Variants in CHODL observed in about 807,000 individuals in gnomAD.
CHODL encodes the protein chondrolectin.
In CHODL, 29 loss-of-function variants were observed where a neutral mutation model predicts 34.5. The observed-to-expected ratio is 0.84, with a 90% confidence interval of 0.63 to 1.15. CHODL has a LOEUF of 1.15. Ranked by LOEUF, CHODL falls within the 50% of genes most tolerant of loss-of-function variation. CHODL has a pLI of 0.00. For synonymous variants in CHODL, 125 were observed against 116.1 expected, an observed-to-expected ratio of 1.08 and a Z score of -0.49; for missense variants, 332 against 332.5, an observed-to-expected ratio of 1.00 and a Z score of 0.01.
At chr21:18,087,275 G>A (rs1356173232) in intron 2 of CHODL, among the ~76,000 whole-genome samples, 1 of 152,114 alleles carries the variant, frequency 6.6e-6, no homozygotes, top group Admixed American at 6.5e-5. Flanking sequence ...CCATAGCAGG[G>A]AAATGGATAT....
At chr21:17,949,450 A>G (rs1019437428) in intron 1 of CHODL, among the ~76,000 whole-genome samples, 4 of 152,204 alleles carry the variant, frequency 2.6e-5, no homozygotes, top group African/African-American at 7.2e-5. Context: ...TCACTCAGAA[A>G]TTGTTAAAGA....
At chr21:18,149,013 A>C (rs8130425) in intron 2 of CHODL, among the ~76,000 whole-genome samples, 2,952 of 152,004 alleles carry the variant, frequency 0.019, 98 homozygotes, top group African/African-American at 0.068. Context: ...CCTGCTTTCT[A>C]ATTAGAGAAC....
chr21:18,138,856 C>T (rs764016524), intron 2 of CHODL, among the ~76,000 whole-genome samples: 1 of 152,092 alleles, frequency 6.6e-6, no homozygotes, highest in Non-Finnish European at 1.5e-5. Flanking sequence ...GAAATGCTCT[C>T]AGCCAAGACT....
chr21:18,190,843 A>T (rs2073502496), intron 2 of CHODL, among the ~76,000 whole-genome samples: 1 of 152,206 alleles, frequency 6.6e-6, no homozygotes, highest in Admixed American at 6.5e-5. Flanking sequence ...GATTTGTAAT[A>T]TGATGGTGAA....
At chr21:18,062,315 C>A (rs1458328427) in intron 2 of CHODL, among the ~76,000 whole-genome samples, 1 of 152,130 alleles carries the variant, frequency 6.6e-6, no homozygotes, top group African/African-American at 2.4e-5. Context: ...TGAAGTGATT[C>A]TCCATGCCTC....
intron 2 of CHODL, among the ~76,000 whole-genome samples, chr21:18,231,643 T>C (rs934404717): frequency 3.3e-5 from 5 of 152,136 alleles, no homozygotes; most frequent in African/African-American, 1.2e-4. Flanking sequence ...TCATCCACGC[T>C]GTATCACTTC....
chr21:18,179,485 G>A (rs1458463786), intron 2 of CHODL, among the ~76,000 whole-genome samples: 1 of 152,114 alleles, frequency 6.6e-6, no homozygotes, highest in African/African-American at 2.4e-5. Context: ...CTCTCAATTG[G>A]TAGAAACTTT....
intron 2 of CHODL, among the ~76,000 whole-genome samples, chr21:18,199,808 T>G (rs1274532768): frequency 6.6e-6 from 1 of 152,194 alleles, no homozygotes; most frequent in Non-Finnish European, 1.5e-5. Context: ...TACTGAATAA[T>G]ATTCCATCCT....
At chr21:18,003,073 G>C (rs1036677766) in intron 1 of CHODL, among the ~76,000 whole-genome samples, 1 of 149,708 alleles carries the variant, frequency 6.7e-6, no homozygotes, top group African/African-American at 2.5e-5. Context: ...GCAGTGAGCC[G>C]AGATCGCGCC....
intron 1 of CHODL, among the ~76,000 whole-genome samples, chr21:17,928,446 A>C (rs944181014): frequency 6.6e-6 from 1 of 152,200 alleles, no homozygotes; most frequent in African/African-American, 2.4e-5. Flanking sequence ...GGTGACTCCT[A>C]AAGTACAGGT....
At chr21:18,239,316 G>A (rs1035879349) in intron 2 of CHODL, among the ~76,000 whole-genome samples, 5 of 152,038 alleles carry the variant, frequency 3.3e-5, no homozygotes, top group African/African-American at 1.2e-4. Flanking sequence ...TTGCTGTCCT[G>A]CATTATACAC....
intron 2 of CHODL, among the ~76,000 whole-genome samples, chr21:18,185,953 C>T (rs576164086): frequency 6.6e-6 from 1 of 152,060 alleles, no homozygotes; most frequent in African/African-American, 2.4e-5. Context: ...CTTCTAATAC[C>T]ATCGCCTTAG....
chr21:17,918,514 A>C (rs180672074), intron 1 of CHODL, among the ~76,000 whole-genome samples: 2 of 151,836 alleles, frequency 1.3e-5, no homozygotes, highest in Non-Finnish European at 2.9e-5. Context: ...ATTTTTAAAA[A>C]CATCAAATGT....
intron 3 of CHODL, among the ~76,000 whole-genome samples, chr21:18,259,901 G>A (rs954601619): frequency 2.6e-5 from 4 of 152,092 alleles, no homozygotes; most frequent in Non-Finnish European, 5.9e-5. Context: ...TGACTGGTCC[G>A]CCATTATTGC....
At chr21:18,137,933 C>T (rs990076692) in intron 2 of CHODL, among the ~76,000 whole-genome samples, 5 of 152,036 alleles carry the variant, frequency 3.3e-5, no homozygotes, top group Admixed American at 3.3e-4. Flanking sequence ...AATAAGAACA[C>T]TTTCTTGCTG....
chr21:18,115,250 C>T (rs1331110562), intron 2 of CHODL, among the ~76,000 whole-genome samples: 4 of 152,164 alleles, frequency 2.6e-5, no homozygotes, highest in African/African-American at 4.8e-5. Context: ...TCAGCTTCTT[C>T]CTGAGGACTT....
At chr21:18,129,071 A>G (rs947664836) in intron 2 of CHODL, among the ~76,000 whole-genome samples, 1 of 151,700 alleles carries the variant, frequency 6.6e-6, no homozygotes, top group African/African-American at 2.4e-5. Context: ...TTAAAAACCT[A>G]TTTTATATTT....
intron 2 of CHODL, among the ~76,000 whole-genome samples, chr21:18,169,444 T>TA (rs1454431400): frequency 6.6e-6 from 1 of 151,800 alleles, no homozygotes; most frequent in Admixed American, 6.6e-5. Context: ...CTTTTTTTTT[T>TA]ATCTTGATCT....
In CHODL at chr21:17,922,440, C is replaced by CA. The variant is rs1047504300; in HGVS notation, c.-145+5042dup. Among the ~76,000 whole-genome samples the CA allele has an allele frequency of 5.3e-5, 8 of 152,144 alleles. No homozygotes were observed. In the East Asian group the frequency reaches 9.7e-4, roughly 18 times the overall value. On this transcript the variant is annotated intron_variant, in intron 1 of 6. Transcript: ENST00000400127. ...CTGCAATTACTACAGAGAAAGCAGC[C>CA]AATGGCCCACAAAATAGATGAGGCT... is the stretch of plus-strand genomic sequence containing the variant.
Sources: allele counts gnomAD v4.1 joint callset (sites outside exome capture counted in the v4.1 genomes callset), GRCh38; gene constraint gnomAD v4.1.1; transcripts MANE v1.5; gene names NCBI Gene and HGNC (gene_info 2026-07-23, HGNC 2026-07-21).